ZDHHC11: variants seen among roughly 807,000 people sequenced by gnomAD.
ZDHHC11 encodes the protein zDHHC palmitoyltransferase 11, also known as palmitoyltransferase ZDHHC11.
In ZDHHC11, 44 loss-of-function variants were observed where a neutral mutation model predicts 51.3. The observed-to-expected ratio is 0.86, with a 90% CI of 0.67 to 1.10. The LOEUF is 1.10. Among genes scored for constraint, ZDHHC11 ranks in the 50% least tolerant of loss-of-function variants. The pLI is 0.00. For synonymous variants in ZDHHC11, 163 were observed against 222.0 expected (o/e 0.73, Z 2.36); for missense variants, 400 against 537.7 (o/e 0.74, Z 2.53).
chr5:802,511 T>C lies in ZDHHC11; in HGVS notation c.1182-1347A>G, dbSNP rs2150283958. The stretch of plus-strand genomic sequence containing the variant: ...ATTGTGTTGTAAAAGTGTGTAAGTA[T>C]GTATATAAAAATGGAGAGGAAGTTT... On this transcript the variant is annotated intron_variant, in intron 11 of 12. Coordinates refer to ENST00000283441, the MANE Select transcript of ZDHHC11 (RefSeq NM_024786.3). Among the ~76,000 whole-genome samples, 2 of 151,156 alleles carry C rather than the reference T, an allele frequency of 1.3e-5. 1 individual carries two copies. The highest frequency in any genetic ancestry group is 4.2e-4 in the South Asian group (2 of 4,778).
chr5:802,182 C>T (rs1561227423), intron 11 of ZDHHC11, among the ~76,000 whole-genome samples: 2 of 151,280 alleles, frequency 1.3e-5, no homozygotes, highest in East Asian at 3.9e-4. Context: ...CAGGCAGTGA[C>T]TGCTGCTGCA....
chr5:803,348 G>C (rs1325931456), intron 11 of ZDHHC11, among the ~76,000 whole-genome samples: 1 of 151,374 alleles, frequency 6.6e-6, no homozygotes, highest in Non-Finnish European at 1.5e-5. Context: ...TTTGTAGCTT[G>C]TTTGTAGCTA....
chr5:840,038 A>G (rs1238168262), intron 5 of ZDHHC11: 1 of 596,216 alleles, frequency 1.7e-6, no homozygotes, highest in East Asian at 2.7e-5. Flanking sequence ...ACCAAGCAAG[A>G]CCACCAGCTC....
chr5:819,896 TTAG>T (rs1348334616), intron 9 of ZDHHC11, among the ~76,000 whole-genome samples: 1 of 151,304 alleles, frequency 6.6e-6, no homozygotes, highest in Non-Finnish European at 1.5e-5. Flanking sequence ...GACCAGTGCC[TTAG>T]ACAGGTAGTG....
upstream of ZDHHC11, among the ~76,000 whole-genome samples, chr5:854,087 G>A (rs1456409572): frequency 5.2e-5 from 7 of 134,786 alleles, no homozygotes; most frequent in African/African-American, 8.4e-5. Flanking sequence ...ACAGCGAGCC[G>A]GGGGGCACAG....
intron 1 of ZDHHC11, among the ~76,000 whole-genome samples, chr5:856,832 C>T (rs1011468946): frequency 1.3e-5 from 2 of 151,050 alleles, no homozygotes; most frequent in African/African-American, 4.9e-5. Flanking sequence ...CACTGCACAC[C>T]ACACACACCA....
intron 8 of ZDHHC11, chr5:823,265 T>A (rs1741799298): frequency 1.3e-5 from 2 of 150,758 alleles, no homozygotes; most frequent in Admixed American, 1.3e-4. Context: ...TACTATGAGG[T>A]CTCTGATGGA....
Position 837,537 on chromosome 5 carries a change from G to A in ZDHHC11, c.785-57C>T, listed in dbSNP as rs73730964. On this transcript the variant is annotated intron_variant, in intron 5 of 12. Transcript: ENST00000283441. Reference sequence around the variant, plus strand: ...TACCAGCCCTGCGGCTTTGCACGGCGCCCACAGGACAGCTCAGCAGAGTGG... The same window carrying A: ...TACCAGCCCTGCGGCTTTGCACGGCACCCACAGGACAGCTCAGCAGAGTGG... The A allele has an allele frequency of 5.6e-3, 8,717 of 1,566,010 alleles. 278 individuals are homozygous for A. The African/African-American group carries it at 0.079, about 14-fold the overall frequency.
At chr5:807,559 C>T (rs1279243453) in intron 11 of ZDHHC11, among the ~76,000 whole-genome samples, 5 of 151,632 alleles carry the variant, frequency 3.3e-5, no homozygotes, top group African/African-American at 7.3e-5. Context: ...GATTGGGATT[C>T]GTGTGACTCT....
At chr5:854,086 CG>C, upstream of ZDHHC11, among the ~76,000 whole-genome samples, 1 of 147,978 alleles carries the variant, frequency 6.8e-6, no homozygotes, top group South Asian at 2.2e-4. Flanking sequence ...GACAGCGAGC[CG>C]GGGGGCACAG....
chr5:834,732 G>A (rs1229930092), intron 6 of ZDHHC11, among the ~76,000 whole-genome samples: 13 of 152,264 alleles, frequency 8.5e-5, no homozygotes, highest in Admixed American at 5.9e-4. Flanking sequence ...CAAGTATGTC[G>A]GCGCCATTTT....
rs570524899 is a variant in ZDHHC11 at position 816,366 on chromosome 5, G to C, written c.1147-1571C>G. ...GACAGATGGCGGCAGCAGCTGCACGGGCGGGAGGGGGGCGGTAGCGCAGGC... is the reference window on the plus strand; with the variant it reads ...GACAGATGGCGGCAGCAGCTGCACGCGCGGGAGGGGGGCGGTAGCGCAGGC... On this transcript the variant is annotated intron_variant, in intron 10 of 12. Transcript: ENST00000283441. 1.9e-4 allele frequency: 74 copies of C among 386,026 alleles called. 1 individual carries two copies. The highest frequency in any genetic ancestry group is 1.4e-3 in the African/African-American group (67 of 48,376). 23.9% of individuals were successfully genotyped at this position (386,026 alleles called of 1,614,324 possible).
chr5:816,930 TG>T, intron 10 of ZDHHC11: 1 of 373,330 alleles, frequency 2.7e-6, no homozygotes, highest in Non-Finnish European at 5.3e-6. Context: ...AGTGGGAGAC[TG>T]GTCATGGATG....
At chr5:827,149 G>C (rs364314) in intron 7 of ZDHHC11, among the ~76,000 whole-genome samples, 2 of 149,490 alleles carry the variant, frequency 1.3e-5, no homozygotes, top group African/African-American at 4.9e-5. Flanking sequence ...ATGAAGTAGA[G>C]AAAATGTCTG....
intron 11 of ZDHHC11, among the ~76,000 whole-genome samples, chr5:812,427 G>C (rs1220596734): frequency 6.6e-6 from 1 of 151,686 alleles, no homozygotes; most frequent in African/African-American, 2.4e-5. Flanking sequence ...CCTTTGAAAA[G>C]CTAATTCATA....
intron 1 of ZDHHC11, among the ~76,000 whole-genome samples, chr5:850,112 C>T (rs1746929684): frequency 6.6e-6 from 1 of 152,256 alleles, no homozygotes; most frequent in Admixed American, 6.5e-5. Context: ...AGGGCGGGTC[C>T]TGCGCCACGC....
chr5:814,469 ACATT>A lies in ZDHHC11; in HGVS notation c.1181+288_1181+291del, dbSNP rs775553601. Among the ~76,000 whole-genome samples, 58 of 151,546 alleles carry A rather than the reference ACATT, an allele frequency of 3.8e-4. 2 individuals carry two copies. The highest frequency in any genetic ancestry group is 7.4e-4 in the Non-Finnish European group (50 of 67,730). On this transcript the variant is annotated intron_variant, in intron 11 of 12. Coordinates refer to ENST00000283441, the MANE Select transcript of ZDHHC11 (RefSeq NM_024786.3). ...GAAACACTATTAGAAACATTAAAAA[ACATT>A]CAGGCTGACAACATTACACGTGTTT...
intron 3 of ZDHHC11, among the ~76,000 whole-genome samples, chr5:846,656 ATACCTCTC>A (rs1746225538): frequency 1.4e-5 from 2 of 142,346 alleles, no homozygotes; most frequent in Non-Finnish European, 3.0e-5. Flanking sequence ...CTCAGGGGAA[ATACCTCTC>A]GCCTGTGAGC....
intron 10 of ZDHHC11, among the ~76,000 whole-genome samples, chr5:818,942 T>C (rs1325191790): frequency 2.0e-5 from 3 of 151,526 alleles, no homozygotes; most frequent in Non-Finnish European, 3.0e-5. Flanking sequence ...CTAAAGCCGG[T>C]AGCCACACAG....
Sources: allele counts gnomAD v4.1 joint callset (sites outside exome capture counted in the v4.1 genomes callset), GRCh38; gene constraint gnomAD v4.1.1; transcripts MANE v1.5; gene names NCBI Gene and HGNC (gene_info 2026-07-23, HGNC 2026-07-21).